HMGCLL1: variants seen among roughly 807,000 people sequenced by gnomAD.
HMGCLL1 encodes the protein 3-hydroxy-3-methylglutaryl-CoA lyase like 1.
HMGCLL1 carries 36 observed loss-of-function variants against 39.1 expected under a neutral mutation model. The ratio of observed to expected loss-of-function variants is 0.92; its 90% confidence interval spans 0.71 to 1.22. The LOEUF (loss-of-function observed/expected upper bound fraction) is 1.22, where lower values mean the gene tolerates loss of function less well. Among genes scored for constraint, HMGCLL1 ranks in the 50% most tolerant of loss-of-function variants. The pLI, the probability that HMGCLL1 is intolerant of heterozygous loss-of-function variation, is 0.00. For synonymous variants in HMGCLL1, 149 were observed against 144.0 expected (o/e 1.03, Z -0.25); for missense variants, 451 against 416.5 (o/e 1.08, Z -0.72).
chr6:55,659,928 G>A, the HMGCLL1 span, among the ~76,000 whole-genome samples: 1 of 151,564 alleles, frequency 6.6e-6, no homozygotes, highest in Non-Finnish European at 1.5e-5. Flanking sequence ...ATACATGTCA[G>A]AAAACTACAG....
intron 7 of HMGCLL1, among the ~76,000 whole-genome samples, chr6:55,480,517 G>C (rs370864429): frequency 6.6e-6 from 1 of 151,698 alleles, no homozygotes; most frequent in Non-Finnish European, 1.5e-5. Context: ...CTGTTGGTTA[G>C]AAATTGTATT....
the HMGCLL1 span, among the ~76,000 whole-genome samples, chr6:55,587,086 C>G: frequency 6.6e-6 from 1 of 152,064 alleles, no homozygotes; most frequent in African/African-American, 2.4e-5. Context: ...GATCGCCATT[C>G]TAACTGGTGT....
At chr6:55,563,788 T>A (rs1771080555) in intron 1 of HMGCLL1, 1 of 892,954 alleles carries the variant, frequency 1.1e-6, no homozygotes, top group Non-Finnish European at 1.6e-6. Context: ...TCAAACAGTT[T>A]GAGAAGTTGT....
At chr6:55,521,502 T>A (rs892719125) in intron 3 of HMGCLL1, among the ~76,000 whole-genome samples, 3 of 152,112 alleles carry the variant, frequency 2.0e-5, no homozygotes, top group African/African-American at 7.2e-5. Flanking sequence ...TCACTTTGTA[T>A]CTCTGTGTCA....
At chr6:55,550,355 G>A (rs760235234) in intron 1 of HMGCLL1, among the ~76,000 whole-genome samples, 5 of 151,880 alleles carry the variant, frequency 3.3e-5, no homozygotes, top group Middle Eastern at 3.4e-3. Flanking sequence ...CAGCTACAGC[G>A]CCACTTTATC....
At chr6:55,499,019 A>G (rs1284406897) in intron 6 of HMGCLL1, among the ~76,000 whole-genome samples, 4 of 152,092 alleles carry the variant, frequency 2.6e-5, no homozygotes, top group Non-Finnish European at 5.9e-5. Flanking sequence ...AAATTATAGG[A>G]CTCAACTGTC....
the HMGCLL1 span, among the ~76,000 whole-genome samples, chr6:55,629,976 G>T: frequency 6.6e-6 from 1 of 152,150 alleles, no homozygotes; most frequent in Non-Finnish European, 1.5e-5. Flanking sequence ...AGGAAATGTG[G>T]GTCAGAGTCC....
At chr6:55,674,408 G>GA in the HMGCLL1 span, among the ~76,000 whole-genome samples, 8 of 148,532 alleles carry the variant, frequency 5.4e-5, no homozygotes, top group Non-Finnish European at 9.0e-5. Flanking sequence ...AAAAAAAAAA[G>GA]AAAAAAAAAT....
chr6:55,604,101 AAAAGGAAAG>A, the HMGCLL1 span, among the ~76,000 whole-genome samples: 7 of 151,954 alleles, frequency 4.6e-5, no homozygotes, highest in Non-Finnish European at 1.0e-4. Context: ...TTTTTTCTTT[AAAAGGAAAG>A]CATTTAGAGA....
intron 7 of HMGCLL1, among the ~76,000 whole-genome samples, chr6:55,490,523 G>A (rs1489627751): frequency 6.6e-6 from 1 of 152,138 alleles, no homozygotes; most frequent in African/African-American, 2.4e-5. Context: ...GAAATGCTGT[G>A]GGAGTGGCAG....
chr6:55,659,531 T>C, the HMGCLL1 span, among the ~76,000 whole-genome samples: 3 of 151,924 alleles, frequency 2.0e-5, no homozygotes, highest in Non-Finnish European at 2.9e-5. Flanking sequence ...GTCATGCAAC[T>C]GAAGGAAGGA....
chr6:55,481,492 A>G lies in HMGCLL1; in HGVS notation c.795+13927T>C, dbSNP rs537515438. Among the ~76,000 whole-genome samples the G allele has an allele frequency of 1.2e-4, 19 of 152,172 alleles. No individual in the cohort carries two copies. In the South Asian group the frequency reaches 3.3e-3, roughly 27 times the overall value. On this transcript the variant is annotated intron_variant, in intron 7 of 8. Coordinates refer to ENST00000274901, the MANE Select transcript of HMGCLL1 (RefSeq NM_001042406.2). ...ATAAAATTATGTATTGTATGCCTGA[A>G]TCAAAATATCTCATGTATCCCATAA...
chr6:55,495,715 T>A, intron 6 of HMGCLL1, 108 bp from the exon 7 acceptor site: 1 of 649,470 alleles, frequency 1.5e-6, no homozygotes, highest in Non-Finnish European at 2.5e-6. Flanking sequence ...CTAATACCAG[T>A]AATGTCCATG....
the HMGCLL1 span, among the ~76,000 whole-genome samples, chr6:55,628,056 A>AAT: frequency 0.054 from 25 of 460 alleles, 11 homozygotes; most frequent in Non-Finnish European, 0.064. Flanking sequence ...TATATAGTAT[A>AAT]ATATATATAG....
chr6:55,528,401 A>G (rs1054167067), intron 3 of HMGCLL1, among the ~76,000 whole-genome samples: 17 of 152,058 alleles, frequency 1.1e-4, no homozygotes, highest in African/African-American at 4.1e-4. Context: ...TAATGAGAAA[A>G]AATGAGACTA....
intron 7 of HMGCLL1, among the ~76,000 whole-genome samples, chr6:55,446,289 ATATT>A (rs1025416362): frequency 2.0e-5 from 3 of 148,220 alleles, no homozygotes; most frequent in Admixed American, 6.8e-5. Context: ...ATTTATTTAA[ATATT>A]TATAACATAC....
chr6:55,486,129 T>C (rs908362928), intron 7 of HMGCLL1, among the ~76,000 whole-genome samples: 3 of 149,776 alleles, frequency 2.0e-5, no homozygotes, highest in South Asian at 2.1e-4. Flanking sequence ...ATATAGTCTA[T>C]GAATATATAT....
At chr6:55,642,700 C>T in the HMGCLL1 span, among the ~76,000 whole-genome samples, 1,497 of 152,036 alleles carry the variant, frequency 9.8e-3, 26 homozygotes, top group African/African-American at 0.023. Context: ...ACTTGTGTCA[C>T]GGGGTTTTGT....
At chr6:55,662,098 G>A in the HMGCLL1 span, among the ~76,000 whole-genome samples, 53 of 151,940 alleles carry the variant, frequency 3.5e-4, no homozygotes, top group South Asian at 8.5e-3. Flanking sequence ...TTGAGATCAC[G>A]AAGTTTTCCA....
Sources: gnomAD v4.1 joint callset for allele counts (sites outside exome capture counted in the v4.1 genomes callset) on GRCh38, gnomAD v4.1.1 for gene constraint, MANE v1.5 for transcripts, NCBI Gene and HGNC (gene_info 2026-07-23, HGNC 2026-07-21) for gene names.